Variants in LRBA observed in about 807,000 individuals in gnomAD.
LRBA encodes the protein LPS responsive beige-like anchor protein.
Under a neutral mutation model 330.0 loss-of-function variants are expected in LRBA, and 176 were observed. The ratio of observed to expected loss-of-function variants is 0.53; its 90% CI spans 0.47 to 0.60. The LOEUF is 0.60. Among genes scored for constraint, LRBA ranks in the 20% least tolerant of loss-of-function variants. The pLI, the probability that LRBA is intolerant of heterozygous loss-of-function variation, is 0.00. For synonymous variants in LRBA, 1,230 were observed against 1,193.0 expected (o/e 1.03, Z -0.64); for missense variants, 3,259 against 3,444.8 (o/e 0.95, Z 1.35).
intron 42 of LRBA, among the ~76,000 whole-genome samples, chr4:150,475,496 A>G (rs1756609049): frequency 6.6e-6 from 1 of 152,148 alleles, no homozygotes; most frequent in South Asian, 2.1e-4. Flanking sequence ...TTTCTTTTTG[A>G]GCCAGTTTTG....
At chr4:150,484,321 T>C (rs1017659257) in intron 42 of LRBA, among the ~76,000 whole-genome samples, 3 of 152,046 alleles carry the variant, frequency 2.0e-5, no homozygotes, top group Non-Finnish European at 4.4e-5. Context: ...TAAGGTCTTT[T>C]ACTACAATTC....
chr4:150,488,628 A>G (rs1758177482), intron 41 of LRBA, among the ~76,000 whole-genome samples: 1 of 151,334 alleles, frequency 6.6e-6, no homozygotes, highest in Non-Finnish European at 1.5e-5. Context: ...ATCTTGAGAG[A>G]GTTTAGAAGA....
chr4:150,884,719 T>G (rs763669447), intron 17 of LRBA, among the ~76,000 whole-genome samples: 2 of 151,500 alleles, frequency 1.3e-5, no homozygotes, highest in African/African-American at 4.8e-5. Flanking sequence ...CCAACAACCA[T>G]AGAAAAACAA....
intron 40 of LRBA, among the ~76,000 whole-genome samples, chr4:150,501,153 G>C (rs563610504): frequency 2.0e-5 from 3 of 152,096 alleles, no homozygotes; most frequent in Non-Finnish European, 4.4e-5. Context: ...ATTTCATTGC[G>C]TAACTCCATA....
chr4:150,428,482 T>C (rs1749937625), intron 46 of LRBA, among the ~76,000 whole-genome samples: 1 of 152,108 alleles, frequency 6.6e-6, no homozygotes, highest in South Asian at 2.1e-4. Context: ...GTAGTCCCAC[T>C]TCATATCAGG....
intron 35 of LRBA, among the ~76,000 whole-genome samples, chr4:150,743,941 T>C (rs960982551): frequency 6.6e-6 from 1 of 152,204 alleles, no homozygotes; most frequent in African/African-American, 2.4e-5. Flanking sequence ...TAGGCTCACA[T>C]ACACTATTTT....
intron 42 of LRBA, among the ~76,000 whole-genome samples, chr4:150,483,818 T>C (rs1002476484): frequency 6.6e-6 from 1 of 152,084 alleles, no homozygotes; most frequent in African/African-American, 2.4e-5. Context: ...TCCAAAACAG[T>C]TTTATAGCTT....
intron 31 of LRBA, 96 bp downstream of exon 31, chr4:150,817,028 A>G: frequency 9.8e-7 from 1 of 1,021,524 alleles, no homozygotes; most frequent in Non-Finnish European, 1.5e-6. Flanking sequence ...AATGGTTTCT[A>G]ATGTGCCCCC....
In LRBA at chr4:150,487,764, G is replaced by A. The variant is rs137912404; in HGVS notation, c.6519C>T (p.Gly2173=). The A allele has an allele frequency of 2.8e-5, 45 of 1,597,126 alleles. No homozygotes were observed. Among genetic ancestry groups the A allele is most frequent in the Non-Finnish European group, 3.3e-5 (39 of 1,168,280 alleles). Residue 2173 remains glycine (G), a synonymous_variant, in exon 42 of 57, where the codon GGC becomes GGT. Transcript: ENST00000651943. ...GAGGCAATCCAAAACTTGTTCCAAC[G>A]CCAACACGAGGTAGATAGTTAACCA... The part of the protein sequence containing the change: ...KKVVNYLPRV[G]VGTSFGLPQT...
intron 2 of LRBA, among the ~76,000 whole-genome samples, chr4:150,980,093 G>A (rs1740671035): frequency 6.6e-6 from 1 of 152,076 alleles, no homozygotes; most frequent in South Asian, 2.1e-4. Context: ...ATAGCAAGCT[G>A]AATTTAACAA....
intron 47 of LRBA, among the ~76,000 whole-genome samples, chr4:150,365,391 T>C (rs991989337): frequency 2.6e-5 from 4 of 152,132 alleles, no homozygotes; most frequent in Non-Finnish European, 5.9e-5. Context: ...CCAAAGACTC[T>C]TAATAAATAA....
At chr4:151,001,790 T>G (rs1299069619) in intron 2 of LRBA, among the ~76,000 whole-genome samples, 1 of 152,092 alleles carries the variant, frequency 6.6e-6, no homozygotes, top group East Asian at 1.9e-4. Context: ...GCCCAGGAAT[T>G]GGTTCACCTC....
At chr4:150,642,760 TCA>T (rs1470678091) in intron 37 of LRBA, among the ~76,000 whole-genome samples, 2 of 152,006 alleles carry the variant, frequency 1.3e-5, no homozygotes, top group South Asian at 2.1e-4. Context: ...AAATAAAACT[TCA>T]CAGTTATAAG....
At chr4:150,320,471 G>C (rs1455769251) in intron 50 of LRBA, among the ~76,000 whole-genome samples, 6 of 151,554 alleles carry the variant, frequency 4.0e-5, no homozygotes, top group Non-Finnish European at 8.8e-5. Flanking sequence ...ACCATGCCAA[G>C]CACAAAAAGG....
intron 17 of LRBA, among the ~76,000 whole-genome samples, chr4:150,883,967 C>G (rs193230538): frequency 6.6e-6 from 1 of 152,090 alleles, no homozygotes; most frequent in East Asian, 1.9e-4. Context: ...AGGAATAAAA[C>G]CGAAAAAAAT....
At chr4:150,883,152 T>C (rs1728588083) in intron 17 of LRBA, among the ~76,000 whole-genome samples, 1 of 152,224 alleles carries the variant, frequency 6.6e-6, no homozygotes, top group African/African-American at 2.4e-5. Flanking sequence ...GTTTTTTTCA[T>C]GGTGGCCTTC....
rs184211604 is a variant in LRBA, at chr4:150,341,178, T to C, written c.7362+8814A>G. Among the ~76,000 whole-genome samples, 28 of 152,236 alleles carry C rather than the reference T, an allele frequency of 1.8e-4. No homozygotes were observed. In the East Asian group the frequency reaches 3.9e-3, roughly 21 times the overall value. On this transcript the variant is annotated intron_variant, in intron 48 of 56. Transcript: ENST00000651943. ...AGATCTCACCAGCCTAGCTGCTCTTTTGAGACAGAGTCTTGCTTTGTCACC... is the reference window on the plus strand; with the variant it reads ...AGATCTCACCAGCCTAGCTGCTCTTCTGAGACAGAGTCTTGCTTTGTCACC...
At chr4:150,933,592 C>T (rs1157190354) in intron 2 of LRBA, among the ~76,000 whole-genome samples, 8 of 151,842 alleles carry the variant, frequency 5.3e-5, no homozygotes, top group Admixed American at 6.6e-5. Context: ...AACTAAATAT[C>T]GATTGTCTCT....
At chr4:150,473,056 A>G (rs1756330782) in intron 42 of LRBA, among the ~76,000 whole-genome samples, 1 of 152,140 alleles carries the variant, frequency 6.6e-6, no homozygotes, top group South Asian at 2.1e-4. Flanking sequence ...AGAAACCGCC[A>G]AATTGTTTTC....
Sources: gnomAD v4.1 joint callset for allele counts (sites outside exome capture counted in the v4.1 genomes callset) on GRCh38, gnomAD v4.1.1 for gene constraint, MANE v1.5 for transcripts, NCBI Gene and HGNC (gene_info 2026-07-23, HGNC 2026-07-21) for gene names.